Variants in CCDC38 observed in about 807,000 individuals in gnomAD.
CCDC38 encodes the protein coiled-coil domain-containing protein 38.
CCDC38 carries 69 observed loss-of-function variants against 72.8 expected under a neutral mutation model. The observed-to-expected ratio is 0.95, with a 90% CI of 0.78 to 1.16. CCDC38 has a LOEUF of 1.16. Among genes scored for constraint, CCDC38 ranks in the 50% most tolerant of loss-of-function variants. The pLI is 0.00. For synonymous variants in CCDC38, 201 were observed against 213.2 expected (o/e 0.94, Z 0.50); for missense variants, 626 against 638.9 (o/e 0.98, Z 0.22).
chr12:95,890,912 C>G lies in CCDC38; in HGVS notation c.791G>C (p.Ser264Thr), dbSNP rs752658250. 3 of 1,593,424 alleles carry G rather than the reference C, an allele frequency of 1.9e-6. No homozygotes were observed. Among genetic ancestry groups the G allele is most frequent in the Non-Finnish European group, 2.6e-6 (3 of 1,165,138 alleles). The change falls in exon 9 of 16, where the codon AGT (serine) becomes ACT (threonine). Residue 264 changes from serine to threonine, a missense_variant. By Grantham distance (58) the Ser-to-Thr change is moderately conservative. Transcript: ENST00000344280. ...CTCCTCAAGGATGCCTTCCTTGTTA[C>G]TTGAATGTAATGATAATTCTAGAAA... Reference protein sequence around the residue: ...KILAKLSLHSSNKEGILEESG... With the variant: ...KILAKLSLHSTNKEGILEESG...
chr12:95,937,192 T>C (rs571593730), intron 1 of CCDC38, among the ~76,000 whole-genome samples: 35 of 152,346 alleles, frequency 2.3e-4, no homozygotes, highest in Non-Finnish European at 4.6e-4. Context: ...AATATCAAAA[T>C]TGTAAATACG....
chr12:95,894,670 C>A (rs1194174771), intron 8 of CCDC38, among the ~76,000 whole-genome samples: 2 of 152,174 alleles, frequency 1.3e-5, no homozygotes, highest in Admixed American at 6.5e-5. Context: ...TGAGTGGAAG[C>A]AGCCTGAAGC....
At position 95,872,454 on chromosome 12, in the gene CCDC38, G is replaced by A. The variant is rs759666576; in HGVS notation, c.1285C>T (p.Leu429=). The part of the protein sequence containing the change: ...GEFNSDAQEI[L]IDSLSKKITQ... Reference sequence around the variant, plus strand: ...ATCTTTTTACTAAGTGAGTCTATCAGTATTTCCTGAGATTGAGAAGAGCAG... The same window carrying A: ...ATCTTTTTACTAAGTGAGTCTATCAATATTTCCTGAGATTGAGAAGAGCAG... The change falls in exon 14 of 16, where the codon CTG becomes TTG. Residue 429 remains leucine (L), a synonymous_variant. Transcript: ENST00000344280. 23 of 1,609,584 alleles carry A rather than the reference G, an allele frequency of 1.4e-5. No homozygotes were observed. The highest frequency in any genetic ancestry group is 8.3e-5 in the Admixed American group (5 of 59,988).
intron 2 of CCDC38, among the ~76,000 whole-genome samples, chr12:95,930,550 T>A (rs1293531828): frequency 2.0e-5 from 3 of 152,178 alleles, no homozygotes; most frequent in Non-Finnish European, 4.4e-5. Flanking sequence ...CACTAGTAAT[T>A]GGATTTAGCC....
rs1336620845 is a variant in CCDC38, at chr12:95,879,781, A to G, written c.1005T>C (p.Tyr335=). 1.2e-6 allele frequency: 2 copies of G among 1,606,564 alleles called. No individual in the cohort carries two copies. The highest frequency in any genetic ancestry group is 1.1e-5 in the South Asian group (1 of 90,110). The change falls in exon 12 of 16, where the codon TAT becomes TAC. Residue 335 remains tyrosine, a synonymous_variant. Coordinates refer to ENST00000344280, the MANE Select transcript of CCDC38 (RefSeq NM_182496.3). The surrounding 1 kb of genome is among the most constrained non-coding windows in gnomAD (Gnocchi z 5.5). ...GAAGTAACTCCTCTGGTTCCTTGAA[A>G]TAAAGTGCTGGCTCCTAATTAATCA... is the stretch of plus-strand genomic sequence containing the variant. ...EMDVDLEPAL[Y]FKEPEELLQV...
intron 4 of CCDC38, among the ~76,000 whole-genome samples, chr12:95,916,107 G>A (rs2080140787): frequency 6.6e-6 from 1 of 152,186 alleles, no homozygotes; most frequent in African/African-American, 2.4e-5. Flanking sequence ...GGCGAACTAT[G>A]AGGCATGTGA....
chr12:95,894,771 G>A (rs775643017), intron 8 of CCDC38, among the ~76,000 whole-genome samples: 2 of 152,132 alleles, frequency 1.3e-5, no homozygotes, highest in Non-Finnish European at 2.9e-5. Flanking sequence ...AAATTGCCCA[G>A]CCTTAAGTAT....
intron 10 of CCDC38, among the ~76,000 whole-genome samples, chr12:95,883,140 GT>G (rs1447963476): frequency 6.6e-6 from 1 of 152,112 alleles, no homozygotes; most frequent in Non-Finnish European, 1.5e-5. Context: ...CCATTATCTG[GT>G]TTAGGCAGTC....
chr12:95,940,274 G>A (rs1040607961), intron 1 of CCDC38, among the ~76,000 whole-genome samples: 2 of 152,128 alleles, frequency 1.3e-5, no homozygotes, highest in South Asian at 4.2e-4. Flanking sequence ...GCAAATCTGG[G>A]GGACCTGAAT....
intron 13 of CCDC38, among the ~76,000 whole-genome samples, chr12:95,872,715 C>T (rs1307304886): frequency 1.3e-5 from 2 of 152,252 alleles, no homozygotes; most frequent in African/African-American, 4.8e-5. Flanking sequence ...GCTGGGACTA[C>T]AGGCATGCGC....
Position 95,879,515 on chromosome 12 carries a change from G to T in CCDC38, c.1142+129C>A. 1.7e-6 allele frequency: 1 copy of T among 580,322 alleles called. No homozygotes were observed. Among genetic ancestry groups the T allele is most frequent in the African/African-American group, 1.8e-5 (1 of 54,306 alleles). 35.9% of individuals were successfully genotyped at this position (580,322 alleles called of 1,614,324 possible). On this transcript the variant is annotated intron_variant, in intron 12 of 15. Transcript: ENST00000344280. This position sits in a 1 kb window ranked among gnomAD's most constrained non-coding sequence, Gnocchi z 5.5. ...ACGTCTACGTTTTGCACTCCACAAT[G>T]TAAACTATTAAAAACCCCAGCCTAC... is the stretch of plus-strand genomic sequence containing the variant.
At chr12:95,913,198 A>G (rs1378684586) in intron 4 of CCDC38, among the ~76,000 whole-genome samples, 1 of 152,208 alleles carries the variant, frequency 6.6e-6, no homozygotes, top group Admixed American at 6.5e-5. Context: ...ACCTCTTACT[A>G]GCTGTGGGAA....
chr12:95,889,883 A>G (rs575488388), intron 9 of CCDC38, among the ~76,000 whole-genome samples: 10 of 150,824 alleles, frequency 6.6e-5, no homozygotes, highest in African/African-American at 2.4e-4. Flanking sequence ...TTTTCATGAC[A>G]TATGCTTATT....
rs1458065392 is a variant in CCDC38 at position 95,872,363 on chromosome 12, A to C, written c.1376T>G (p.Leu459Arg). The C allele has an allele frequency of 1.2e-6, 2 of 1,614,042 alleles. No homozygotes were observed. The highest frequency in any genetic ancestry group is 1.7e-6 in the Non-Finnish European group (2 of 1,180,040). The change falls in exon 14 of 16, where the codon CTG (leucine) becomes CGG (arginine). Residue 459 changes from leucine to arginine, a missense_variant. Transcript: ENST00000344280. The stretch of plus-strand genomic sequence containing the variant: ...TACCAGGCGAGATTCTACTTTTACC[A>C]GCTTTTGAATTGGGTTGAGGCCGTC... ...EDDGLNPIQK[L>R]VKVESRLVEL...
intron 8 of CCDC38, 92 bp downstream of exon 8, chr12:95,894,897 A>T (rs1183785536): frequency 5.6e-6 from 6 of 1,078,882 alleles, no homozygotes; most frequent in Non-Finnish European, 7.9e-6. Context: ...GATCCTGCTT[A>T]AAAAAATATC....
chr12:95,927,651 T>C (rs2080287365), intron 2 of CCDC38, among the ~76,000 whole-genome samples: 1 of 152,246 alleles, frequency 6.6e-6, no homozygotes, highest in African/African-American at 2.4e-5. Context: ...CTTTACATTT[T>C]GGCATGATTT....
intron 4 of CCDC38, among the ~76,000 whole-genome samples, chr12:95,912,189 G>T (rs890345402): frequency 1.3e-5 from 2 of 152,150 alleles, no homozygotes; most frequent in African/African-American, 4.8e-5. Context: ...AGAAAGATGG[G>T]AATAATAGAC....
At chr12:95,888,892 C>G (rs533557681) in intron 9 of CCDC38, among the ~76,000 whole-genome samples, 1 of 151,516 alleles carries the variant, frequency 6.6e-6, no homozygotes, top group Non-Finnish European at 1.5e-5. Flanking sequence ...TCTTTGTGTA[C>G]GTGGGGTCTT....
intron 7 of CCDC38, 83 bp from the exon 8 acceptor site, chr12:95,895,229 C>A: frequency 1.2e-6 from 1 of 852,996 alleles, no homozygotes; most frequent in Non-Finnish European, 1.7e-6. Flanking sequence ...AAAATTGTTT[C>A]TCTTATGTAC....
Sources: gnomAD v4.1 joint callset for allele counts (sites outside exome capture counted in the v4.1 genomes callset) on GRCh38, gnomAD v4.1.1 for gene constraint, Gnocchi (gnomAD v3.1) non-coding constraint, MANE v1.5 for transcripts, NCBI Gene and HGNC (gene_info 2026-07-23, HGNC 2026-07-21) for gene names.